The following ABCC6 variants were observed in gnomAD, a reference collection of about 807,000 sequenced individuals.
ABCC6 encodes the protein ATP binding cassette subfamily C member 6, also known as ATP-binding cassette sub-family C member 6.
A neutral mutation model predicts 169.5 loss-of-function variants in ABCC6; 126 were observed. The observed-to-expected ratio is 0.74, with a 90% CI of 0.64 to 0.86. ABCC6 has a LOEUF of 0.86. Among genes scored for constraint, ABCC6 ranks in the 40% least tolerant of loss-of-function variants. ABCC6 has a pLI of 0.00. For missense variants in ABCC6, 1,733 were observed against 1,927.2 expected (o/e 0.90, Z 1.89); for synonymous variants, 752 against 814.7 (o/e 0.92, Z 1.31).
intron 7 of ABCC6, 152 bp downstream of exon 7, chr16:16,208,576 G>A: frequency 3.2e-6 from 4 of 1,261,066 alleles, no homozygotes; most frequent in Non-Finnish European, 4.6e-6. Flanking sequence ...GTTTCACTAT[G>A]TTGGCCAGAT....
At chr16:16,209,581 C>T (rs1376435071) in intron 6 of ABCC6, among the ~76,000 whole-genome samples, 1 of 149,318 alleles carries the variant, frequency 6.7e-6, no homozygotes, top group African/African-American at 2.5e-5. Flanking sequence ...AGCTTGAACT[C>T]CTCCCTCAGC....
Position 16,190,369 on chromosome 16 carries a change from T to C in ABCC6, c.1432-2A>G. 9 of 1,614,042 alleles carry C rather than the reference T, an allele frequency of 5.6e-6. No homozygotes were observed. Among genetic ancestry groups the C allele is most frequent in the Non-Finnish European group, 7.6e-6 (9 of 1,179,992 alleles). ...GTCCTTCTGCCTCATTTGCTCCTCC[T>C]GGGATCGGAGGGAAAAAGAGAGATG... On this transcript the variant is annotated splice_acceptor_variant, in intron 11 of 30. Transcript: ENST00000205557. LOFTEE classifies it high-confidence loss of function.
intron 14 of ABCC6, among the ~76,000 whole-genome samples, chr16:16,185,689 G>T (rs1447040626): frequency 2.0e-5 from 3 of 152,174 alleles, no homozygotes; most frequent in African/African-American, 7.2e-5. Flanking sequence ...AGAGGCTAAG[G>T]CAGGAGAATT....
chr16:16,202,318 T>A, intron 8 of ABCC6, 140 bp from the exon 9 acceptor site: 1 of 954,404 alleles, frequency 1.0e-6, no homozygotes, highest in Non-Finnish European at 1.6e-6. Context: ...GTGTGGTTTT[T>A]TTTGCAATAA....
intron 19 of ABCC6, 117 bp from the exon 20 acceptor site, chr16:16,176,103 A>T: frequency 1.0e-6 from 1 of 971,114 alleles, no homozygotes; most frequent in East Asian, 2.5e-5. Flanking sequence ...GGCTCCTGCC[A>T]CGTCTCCAGC....
chr16:16,181,447 G>C (rs1416742615), intron 17 of ABCC6, among the ~76,000 whole-genome samples: 1 of 152,054 alleles, frequency 6.6e-6, no homozygotes, highest in Non-Finnish European at 1.5e-5. Flanking sequence ...GTCAGGAAAG[G>C]CCTCTCTGTG....
chr16:16,174,842 C>T (rs1206424195), intron 20 of ABCC6, among the ~76,000 whole-genome samples: 1 of 148,794 alleles, frequency 6.7e-6, no homozygotes, highest in Admixed American at 6.8e-5. Flanking sequence ...CTCACTGCAA[C>T]CTCCGCCTCC....
At chr16:16,155,274 A>C in intron 27 of ABCC6, 1 of 576,078 alleles carries the variant, frequency 1.7e-6, no homozygotes, top group South Asian at 2.3e-5. Flanking sequence ...CTTTCTCCCC[A>C]CCCTTCCTTT....
Position 16,154,986 on chromosome 16 carries a change from T to C in ABCC6, c.3928A>G (p.Ser1310Gly). Reference protein sequence around the residue: ...RTGAGKSSLASGLLRLQEAAE... With the variant: ...RTGAGKSSLAGGLLRLQEAAE... Reference sequence around the variant, plus strand: ...GCCTCCTGGAGCCGCAGCAGCCCACTGGCCAGGGAGGACTTCCCTGCCCCG... The same window carrying C: ...GCCTCCTGGAGCCGCAGCAGCCCACCGGCCAGGGAGGACTTCCCTGCCCCG... Residue 1310 changes from serine to glycine, a missense_variant, in exon 28 of 31, where the codon AGT (serine) becomes GGT (glycine). By Grantham distance (56) the Ser-to-Gly change is moderately conservative. Coordinates refer to ENST00000205557, the MANE Select transcript of ABCC6 (RefSeq NM_001171.6). 6.4e-7 allele frequency: 1 copy of C among 1,571,542 alleles called. No individual in the cohort carries two copies. Among genetic ancestry groups the C allele is most frequent in the Non-Finnish European group, 8.6e-7 (1 of 1,158,716 alleles).
chr16:16,150,401 C>T (rs952925940), intron 30 of ABCC6, among the ~76,000 whole-genome samples, 160 bp from the exon 31 acceptor site: 1 of 152,188 alleles, frequency 6.6e-6, no homozygotes, highest in Non-Finnish European at 1.5e-5. Flanking sequence ...GTGTGCTGGG[C>T]GCATGTCCTT....
chr16:16,191,087 G>A (rs1301525826), intron 11 of ABCC6, among the ~76,000 whole-genome samples: 1 of 382 alleles, frequency 2.6e-3, no homozygotes, highest in Non-Finnish European at 0.045. Flanking sequence ...CCATGGGGCG[G>A]GGGGCATCAT....
chr16:16,216,259 T>C (rs1412630336), intron 4 of ABCC6, among the ~76,000 whole-genome samples: 1 of 152,116 alleles, frequency 6.6e-6, no homozygotes, highest in Non-Finnish European at 1.5e-5. Flanking sequence ...TAAATTATTA[T>C]TGACTATAGT....
Position 16,195,425 on chromosome 16 carries a change from G to C in ABCC6, c.1339-2503C>G, listed in dbSNP as rs1364558567. ...CCTCCCGGGTTCAAGTGATTCTCCT[G>C]CCTCAGCCTCTCTAGTAGCTGGGAT... On this transcript the variant is annotated intron_variant, in intron 10 of 30. Transcript: ENST00000205557. Among the ~76,000 whole-genome samples the C allele has an allele frequency of 2.7e-5, 4 of 148,190 alleles. No individual in the cohort carries two copies. In the Admixed American group the frequency reaches 2.8e-4, roughly 10 times the overall value.
chr16:16,195,347 C>G (rs1030504378), intron 10 of ABCC6, among the ~76,000 whole-genome samples: 1 of 122,116 alleles, frequency 8.2e-6, no homozygotes, highest in Non-Finnish European at 1.6e-5. Context: ...GAGTCTCACT[C>G]TGTCGTCCAG....
chr16:16,155,485 C>T (rs1434289930), intron 27 of ABCC6: 1 of 194,286 alleles, frequency 5.1e-6, no homozygotes, highest in Non-Finnish European at 1.1e-5. Flanking sequence ...TTCATCCATC[C>T]ATTCATCTGT....
In ABCC6 at chr16:16,201,842, A is replaced by C. The variant is rs578012128; in HGVS notation, c.1176+159T>G. ...GACTCCATCTCAAAAAAATAAATAC[A>C]TATAATACAGAGAAATAACTAAGGA... On this transcript the variant is annotated intron_variant, in intron 9 of 30. Coordinates refer to ENST00000205557, the MANE Select transcript of ABCC6 (RefSeq NM_001171.6). 1.3e-4 allele frequency among the ~76,000 whole-genome samples: 20 copies of C among 152,310 alleles called. No homozygotes were observed. In the East Asian group the frequency reaches 3.7e-3, roughly 28 times the overall value.
chr16:16,164,706 A>C (rs552516822), intron 23 of ABCC6, among the ~76,000 whole-genome samples: 1 of 152,330 alleles, frequency 6.6e-6, no homozygotes, highest in South Asian at 2.1e-4. Flanking sequence ...TGTGTACATC[A>C]GAATTACTTG....
chr16:16,150,833 G>T, intron 29 of ABCC6, 61 bp from the exon 30 acceptor site: 1 of 1,583,984 alleles, frequency 6.3e-7, no homozygotes, highest in Middle Eastern at 1.7e-4. Flanking sequence ...TGATGTGTGG[G>T]TGTGCCCAGA....
intron 29 of ABCC6, among the ~76,000 whole-genome samples, chr16:16,152,643 C>T (rs1042048156): frequency 6.6e-6 from 1 of 150,970 alleles, no homozygotes; most frequent in Non-Finnish European, 1.5e-5. Context: ...TGCTATTATT[C>T]CCACCTTACA....
Sources: allele counts gnomAD v4.1 joint callset (sites outside exome capture counted in the v4.1 genomes callset), GRCh38; gene constraint gnomAD v4.1.1; transcripts MANE v1.5; gene names NCBI Gene and HGNC (gene_info 2026-07-23, HGNC 2026-07-21).